Variants in BCAS3 observed in about 807,000 individuals in gnomAD.
The protein encoded by BCAS3 is BCAS4/BCAS3 fusion.
Under a neutral mutation model 116.1 loss-of-function variants are expected in BCAS3, and 53 were observed. The observed-to-expected ratio is 0.46, with a 90% CI of 0.37 to 0.57. BCAS3 has a LOEUF of 0.57. Ranked by LOEUF, BCAS3 falls within the 20% of genes least tolerant of loss-of-function variation. The pLI, the probability that BCAS3 is intolerant of heterozygous loss-of-function variation, is 0.00. For synonymous variants in BCAS3, 391 were observed against 408.2 expected (o/e 0.96, Z 0.51); for missense variants, 917 against 1,165.4 (o/e 0.79, Z 3.10).
chr17:60,705,245 A>T (rs1284571864), intron 4 of BCAS3, among the ~76,000 whole-genome samples: 1 of 152,134 alleles, frequency 6.6e-6, no homozygotes, highest in Non-Finnish European at 1.5e-5. Flanking sequence ...AGGGCCGGGC[A>T]TGGTGGCTCA....
chr17:60,698,890 T>C (rs763447417), intron 4 of BCAS3, among the ~76,000 whole-genome samples: 35 of 152,078 alleles, frequency 2.3e-4, no homozygotes, highest in Non-Finnish European at 4.4e-4. Context: ...ACCCCATCTT[T>C]ACTAAGTAAT....
chr17:60,742,426 CTTTT>C (rs1173664552), intron 5 of BCAS3, among the ~76,000 whole-genome samples: 1 of 103,448 alleles, frequency 9.7e-6, no homozygotes, highest in Non-Finnish European at 1.9e-5. Context: ...TCCTTGACAT[CTTTT>C]TTTTTTTTTT....
rs1018389288 is a variant in BCAS3, at chr17:60,947,116, T to A, written c.1088-103T>A. ...AAGTTTCTTATAGCCTTGGTAATTT[T>A]TTTCCCATTGGTAATATTTTAAATA... On this transcript the variant is annotated intron_variant, in intron 13 of 23. Coordinates refer to ENST00000407086, the MANE Select transcript of BCAS3 (RefSeq NM_017679.5). 2.3e-5 allele frequency: 27 copies of A among 1,193,962 alleles called. No homozygotes were observed. The African/African-American group carries it at 2.9e-4, about 13-fold the overall frequency. 74.0% of individuals were successfully genotyped at this position (1,193,962 alleles called of 1,614,324 possible).
intron 9 of BCAS3, among the ~76,000 whole-genome samples, chr17:60,878,685 T>C (rs1187617853): frequency 2.0e-5 from 3 of 152,172 alleles, no homozygotes; most frequent in African/African-American, 4.8e-5. Flanking sequence ...TTTTATTTCA[T>C]ATTTCTGTGA....
intron 18 of BCAS3, among the ~76,000 whole-genome samples, chr17:61,038,975 A>G (rs2067286150): frequency 6.6e-6 from 1 of 151,904 alleles, no homozygotes. Flanking sequence ...TTTTCATTTG[A>G]CATAATTTAC....
intron 22 of BCAS3, among the ~76,000 whole-genome samples, chr17:61,242,209 G>A (rs1162897643): frequency 1.3e-5 from 2 of 151,134 alleles, no homozygotes; most frequent in Non-Finnish European, 2.9e-5. Flanking sequence ...CTGGAAGGTG[G>A]AGGTTGCAGT....
chr17:61,071,146 C>T (rs1363019441), intron 19 of BCAS3, among the ~76,000 whole-genome samples: 1 of 151,990 alleles, frequency 6.6e-6, no homozygotes, highest in South Asian at 2.1e-4. Context: ...AGAAGGATAA[C>T]AAGTGGACAA....
rs73330774 is a variant in BCAS3, at chr17:61,361,440, A to G, written c.2426-6887A>G. Among the ~76,000 whole-genome samples, 2,256 of 152,312 alleles carry G rather than the reference A, an allele frequency of 0.015. 58 individuals are homozygous for G. Among genetic ancestry groups the G allele is most frequent in the African/African-American group, 0.051 (2,122 of 41,574 alleles). The stretch of plus-strand genomic sequence containing the variant: ...CTTTTCCCTGGCTCAGGACCATGCG[A>G]TATGATACACATAATATATAACATA... On this transcript the variant is annotated intron_variant, in intron 22 of 23. Transcript: ENST00000407086. The surrounding 1 kb of genome is among the most constrained non-coding windows in gnomAD (Gnocchi z 6.5).
chr17:60,895,012 G>A (rs1374850002), intron 10 of BCAS3, among the ~76,000 whole-genome samples: 8 of 152,060 alleles, frequency 5.3e-5, no homozygotes, highest in Admixed American at 2.0e-4. Context: ...CAGGGATCTT[G>A]GCCTATAGTT....
At chr17:60,830,192 T>C (rs894583240) in intron 7 of BCAS3, among the ~76,000 whole-genome samples, 3 of 152,186 alleles carry the variant, frequency 2.0e-5, no homozygotes, top group Non-Finnish European at 2.9e-5. Flanking sequence ...GGTTTCACCA[T>C]GTTAGCCAGG....
chr17:61,160,436 A>G (rs1383270560), intron 22 of BCAS3, among the ~76,000 whole-genome samples: 1 of 152,166 alleles, frequency 6.6e-6, no homozygotes, highest in Admixed American at 6.5e-5. Flanking sequence ...CTGGGGCATC[A>G]TGGCAGACAA....
In BCAS3 at chr17:61,307,232, C is replaced by T. The variant is rs562124652; in HGVS notation, c.2426-61095C>T. Among the ~76,000 whole-genome samples the T allele has an allele frequency of 2.0e-4, 31 of 152,358 alleles. No homozygotes were observed. The highest frequency in any genetic ancestry group is 6.0e-4 in the African/African-American group (25 of 41,592). ...CCAGCCCTGTGGCCCCAGAATACCC[C>T]ACAGTTACACCTCAGCTGTGGGTTC... On this transcript the variant is annotated intron_variant, in intron 22 of 23. Coordinates refer to ENST00000407086, the MANE Select transcript of BCAS3 (RefSeq NM_017679.5). This position sits in a 1 kb window ranked among gnomAD's most constrained non-coding sequence, Gnocchi z 4.7.
intron 16 of BCAS3, among the ~76,000 whole-genome samples, chr17:61,024,272 T>G (rs914849907): frequency 1.3e-5 from 2 of 152,204 alleles, no homozygotes; most frequent in African/African-American, 2.4e-5. Flanking sequence ...GATCTTCTTT[T>G]ACATGTATAT....
rs1029305465 is a variant in BCAS3, at chr17:61,182,402, C to A, written c.2425+97838C>A. On this transcript the variant is annotated intron_variant, in intron 22 of 23. Transcript: ENST00000407086. ...AAGGAGAAAGAATAGCTTAAAAAAACCCCACTAGCCATCACCCATCTTCAA... is the reference window on the plus strand; with the variant it reads ...AAGGAGAAAGAATAGCTTAAAAAAAACCCACTAGCCATCACCCATCTTCAA... 8.5e-5 allele frequency among the ~76,000 whole-genome samples: 13 copies of A among 152,116 alleles called. No individual in the cohort carries two copies. In the East Asian group the frequency reaches 9.7e-4, roughly 11 times the overall value.
chr17:61,289,617 T>C (rs1452865685), intron 22 of BCAS3, among the ~76,000 whole-genome samples: 1 of 152,128 alleles, frequency 6.6e-6, no homozygotes, highest in African/African-American at 2.4e-5. Context: ...TATAAATCAC[T>C]GGAGATTAGA....
intron 6 of BCAS3, among the ~76,000 whole-genome samples, chr17:60,777,486 T>A (rs2045415373): frequency 6.6e-6 from 1 of 151,066 alleles, no homozygotes; most frequent in Admixed American, 6.6e-5. Flanking sequence ...ATGGGCCGGG[T>A]GTGGTGGTGG....
At chr17:61,236,079 T>C (rs1189004435) in intron 22 of BCAS3, among the ~76,000 whole-genome samples, 1 of 152,212 alleles carries the variant, frequency 6.6e-6, no homozygotes, top group Non-Finnish European at 1.5e-5. Flanking sequence ...GCAGCCTTAC[T>C]GCACAATAAA....
chr17:61,177,188 A>C (rs571060481), intron 22 of BCAS3, among the ~76,000 whole-genome samples: 1 of 152,344 alleles, frequency 6.6e-6, no homozygotes, highest in African/African-American at 2.4e-5. Flanking sequence ...TGATCTAGCC[A>C]TTCCATTCCT....
intron 23 of BCAS3, among the ~76,000 whole-genome samples, chr17:61,373,700 GGGAT>G (rs1365884013): frequency 3.0e-5 from 4 of 133,820 alleles, no homozygotes; most frequent in Non-Finnish European, 4.7e-5. Flanking sequence ...CCAAAGTGCT[GGGAT>G]TACAGGCATG....
Sources: allele counts gnomAD v4.1 joint callset (sites outside exome capture counted in the v4.1 genomes callset), GRCh38; gene constraint gnomAD v4.1.1; non-coding constraint Gnocchi (gnomAD v3.1); transcripts MANE v1.5; gene names NCBI Gene and HGNC (gene_info 2026-07-23, HGNC 2026-07-21).